RFX3: variants seen among roughly 807,000 people sequenced by gnomAD.
RFX3 encodes transcription factor RFX3.
RFX3 carries 14 observed loss-of-function variants against 98.6 expected under a neutral mutation model. That is an observed-to-expected ratio of 0.14 (90% CI 0.09 to 0.22). The LOEUF (loss-of-function observed/expected upper bound fraction) is 0.22, where lower values mean the gene tolerates loss of function less well. Among genes scored for constraint, RFX3 ranks in the 10% least tolerant of loss-of-function variants. RFX3 has a pLI of 1.00. For synonymous variants in RFX3, 383 were observed against 328.4 expected (o/e 1.17, Z -1.80); for missense variants, 639 against 926.9 (o/e 0.69, Z 4.03).
rs1817271877 is a variant in RFX3 at position 3,220,323 on chromosome 9, G to A, written c.*4719C>T. 1 of 149,826 alleles carries A rather than the reference G, an allele frequency of 6.7e-6. No homozygotes were observed. The allele number at this position is 149,826 out of a possible 1,614,324, so 9.3% of individuals were successfully genotyped here. On this transcript the variant is annotated 3_prime_UTR_variant, in exon 17 of 17. Coordinates refer to ENST00000617270, the MANE Select transcript of RFX3 (RefSeq NM_001282116.2). ...TAAAGCTAAATAAATGAGATCTTTT[G>A]ATTCATTTTGGGAAAAAAAAGACAA...
chr9:3,505,248 A>ATATGAATATATATTTATATATG lies in RFX3; in HGVS notation c.-9+20498_-9+20499insCATATATAAATATATATTCATA, dbSNP rs1209925960. On this transcript the variant is annotated intron_variant, in intron 1 of 16. Transcript: ENST00000617270. ...TATATATGAATATATATTTATATAT[A>ATATGAATATATATTTATATATG]TATGAATATATATTTATATATATAT... is the stretch of plus-strand genomic sequence containing the variant. Among the ~76,000 whole-genome samples the ATATGAATATATATTTATATATG allele has an allele frequency of 1.9e-3, 143 of 75,092 alleles. 2 individuals carry two copies. The highest frequency in any genetic ancestry group is 2.8e-3 in the Admixed American group (13 of 4,618). 49.3% of individuals were successfully genotyped at this position (75,092 alleles called of 152,430 possible).
chr9:3,346,315 A>T (rs186264798), intron 3 of RFX3, among the ~76,000 whole-genome samples: 1 of 152,278 alleles, frequency 6.6e-6, no homozygotes. Flanking sequence ...ATCACATAAA[A>T]ATTGACCTCG....
intron 1 of RFX3, among the ~76,000 whole-genome samples, chr9:3,522,634 AAC>A (rs150801345): frequency 1.3e-4 from 20 of 148,272 alleles, no homozygotes; most frequent in Non-Finnish European, 1.7e-4. Context: ...TTTAAACACA[AAC>A]ACACACACAC....
chr9:3,319,131 A>G (rs1830969315), intron 4 of RFX3, among the ~76,000 whole-genome samples: 1 of 152,190 alleles, frequency 6.6e-6, no homozygotes, highest in Non-Finnish European at 1.5e-5. Context: ...GTATAAGAAC[A>G]TTTTCACTTT....
intron 3 of RFX3, among the ~76,000 whole-genome samples, chr9:3,339,554 C>T (rs1833624143): frequency 6.6e-6 from 1 of 152,146 alleles, no homozygotes; most frequent in Admixed American, 6.6e-5. Context: ...GTAGTCAGCT[C>T]CTGTCTCACT....
intron 4 of RFX3, among the ~76,000 whole-genome samples, chr9:3,302,730 T>C (rs1451278423): frequency 1.3e-5 from 2 of 151,702 alleles, no homozygotes; most frequent in Non-Finnish European, 3.0e-5. Context: ...CAAAGAAAAA[T>C]AATGCAGTAA....
At chr9:3,293,500 G>A (rs151017063) in intron 5 of RFX3, among the ~76,000 whole-genome samples, 13 of 152,210 alleles carry the variant, frequency 8.5e-5, no homozygotes, top group African/African-American at 2.4e-4. Flanking sequence ...TCAAGCACAC[G>A]TAGAGACATA....
At position 3,224,408 on chromosome 9, in the gene RFX3, T is replaced by C. The variant is rs1817547014; in HGVS notation, c.*634A>G. On this transcript the variant is annotated 3_prime_UTR_variant, in exon 17 of 17. Coordinates refer to ENST00000617270, the MANE Select transcript of RFX3 (RefSeq NM_001282116.2). Reference sequence around the variant, plus strand: ...ATATTAGCATAATCTCTTGCAATTCTGTCATTTACTCTGAACTGATAAATG... The same window carrying C: ...ATATTAGCATAATCTCTTGCAATTCCGTCATTTACTCTGAACTGATAAATG... 6.6e-6 allele frequency: 1 copy of C among 152,282 alleles called. No homozygotes were observed. The highest frequency in any genetic ancestry group is 1.5e-5 in the Non-Finnish European group (1 of 68,086). 9.4% of individuals were successfully genotyped at this position (152,282 alleles called of 1,614,324 possible).
chr9:3,500,084 G>A (rs977962815), intron 1 of RFX3, among the ~76,000 whole-genome samples: 3 of 152,032 alleles, frequency 2.0e-5, no homozygotes, highest in African/African-American at 4.8e-5. Flanking sequence ...AAGTACCCCA[G>A]AGCAACAAAC....
chr9:3,341,254 T>C (rs183486499), intron 3 of RFX3, among the ~76,000 whole-genome samples: 3 of 150,120 alleles, frequency 2.0e-5, no homozygotes, highest in Admixed American at 2.0e-4. Flanking sequence ...GGGACTGTTG[T>C]GGGGTTGGGG....
intron 1 of RFX3, among the ~76,000 whole-genome samples, chr9:3,489,845 G>A (rs759510743): frequency 1.8e-4 from 28 of 152,018 alleles, no homozygotes; most frequent in Admixed American, 6.6e-5. Flanking sequence ...GAGTTCCAGT[G>A]CTCTTTCTTT....
At chr9:3,425,170 A>G (rs770835274) in intron 1 of RFX3, among the ~76,000 whole-genome samples, 1 of 152,218 alleles carries the variant, frequency 6.6e-6, no homozygotes, top group Non-Finnish European at 1.5e-5. Flanking sequence ...TCCAGGAGGC[A>G]GAGGTTGAGT....
chr9:3,466,141 G>A (rs377311128), intron 1 of RFX3, among the ~76,000 whole-genome samples: 139 of 152,284 alleles, frequency 9.1e-4, no homozygotes, highest in African/African-American at 3.3e-3. Context: ...TTTTTACTCT[G>A]TAGCAGGAAA....
intron 1 of RFX3, among the ~76,000 whole-genome samples, chr9:3,398,539 T>A (rs986330754): frequency 6.6e-6 from 1 of 152,208 alleles, no homozygotes; most frequent in African/African-American, 2.4e-5. Flanking sequence ...AACTCCAAGA[T>A]GGCTGGTGGC....
At chr9:3,400,568 T>C (rs779506027) in intron 1 of RFX3, among the ~76,000 whole-genome samples, 2 of 152,238 alleles carry the variant, frequency 1.3e-5, no homozygotes, top group Non-Finnish European at 2.9e-5. Context: ...TTAGTCTCTC[T>C]TTTGTGTCTC....
Position 3,220,497 on chromosome 9 carries a change from G to T in RFX3, c.*4545C>A, listed in dbSNP as rs1817284001. 6.6e-6 allele frequency: 1 copy of T among 151,782 alleles called. No homozygotes were observed. Among genetic ancestry groups the T allele is most frequent in the Non-Finnish European group, 1.5e-5 (1 of 67,966 alleles). 9.4% of individuals were successfully genotyped at this position (151,782 alleles called of 1,614,324 possible). ...ACTATGGTGTGATACTAGAAAAGTTGATTTTTTTTTTCTGTAAACAGTACA... is the reference window on the plus strand; with the variant it reads ...ACTATGGTGTGATACTAGAAAAGTTTATTTTTTTTTTCTGTAAACAGTACA... On this transcript the variant is annotated 3_prime_UTR_variant, in exon 17 of 17. Transcript: ENST00000617270.
At chr9:3,415,632 C>T (rs928724502) in intron 1 of RFX3, among the ~76,000 whole-genome samples, 1 of 152,110 alleles carries the variant, frequency 6.6e-6, no homozygotes, top group Non-Finnish European at 1.5e-5. Context: ...CTAAGATACA[C>T]CCTTTGCCTT....
chr9:3,378,852 G>A (rs958449034), intron 2 of RFX3, among the ~76,000 whole-genome samples: 2 of 151,900 alleles, frequency 1.3e-5, no homozygotes, highest in South Asian at 2.1e-4. Flanking sequence ...TACCATGCCC[G>A]GCCTTCTTTC....
At chr9:3,300,190 C>T (rs565936640) in intron 5 of RFX3, among the ~76,000 whole-genome samples, 2 of 151,486 alleles carry the variant, frequency 1.3e-5, no homozygotes, top group African/African-American at 4.8e-5. Flanking sequence ...AATATACTTA[C>T]GAAACATAAA....
Sources: allele counts gnomAD v4.1 joint callset (sites outside exome capture counted in the v4.1 genomes callset), GRCh38; gene constraint gnomAD v4.1.1; transcripts MANE v1.5; gene names NCBI Gene and HGNC (gene_info 2026-07-23, HGNC 2026-07-21).